INO80: variants seen among roughly 807,000 people sequenced by gnomAD.
INO80 encodes the protein chromatin-remodeling ATPase INO80.
In INO80, 20 loss-of-function variants were observed where a neutral mutation model predicts 203.4. That is an observed-to-expected ratio of 0.10 (90% CI 0.07 to 0.14). The LOEUF (loss-of-function observed/expected upper bound fraction) is 0.14, where lower values mean the gene tolerates loss of function less well. INO80 is among the 10% of genes least tolerant of loss of function. INO80 has a pLI of 1.00. For missense variants in INO80, 1,419 were observed against 1,914.4 expected (o/e 0.74, Z 4.83); for synonymous variants, 726 against 685.2 (o/e 1.06, Z -0.93).
At chr15:40,992,858 TCA>T (rs2043833873) in intron 29 of INO80, among the ~76,000 whole-genome samples, 1 of 152,214 alleles carries the variant, frequency 6.6e-6, no homozygotes, top group Admixed American at 6.5e-5. Context: ...AGCGGCACAA[TCA>T]CAGCTCACTG....
intron 7 of INO80, among the ~76,000 whole-genome samples, chr15:41,082,701 T>C (rs1037264609): frequency 6.6e-6 from 1 of 151,480 alleles, no homozygotes; most frequent in African/African-American, 2.4e-5. Context: ...CGAAACTCCG[T>C]CTCAAAAAAC....
chr15:41,044,997 C>G lies in INO80; in HGVS notation c.2814G>C (p.Glu938Asp). The change falls in exon 24 of 36, where the codon GAG (glutamate) becomes GAC (aspartate). Residue 938 changes from glutamate to aspartate, a missense_variant. Physicochemically the swap from Glu to Asp is conservative, Grantham distance 45. This residue lies in a region of INO80 where 302 missense variants were observed against 345.4 expected (regional missense o/e 0.87). Transcript: ENST00000648947. ...TGTTCCTCAGGTATCTCTGGTGGCTCTCCCCTTCTGGCGCTCCCCAGGAGC... is the reference window on the plus strand; with the variant it reads ...TGTTCCTCAGGTATCTCTGGTGGCTGTCCCCTTCTGGCGCTCCCCAGGAGC... ...QLRSWGAPEG[E>D]SHQRYLRNKD... The G allele has an allele frequency of 6.2e-7, 1 of 1,614,018 alleles. No individual in the cohort carries two copies. Among genetic ancestry groups the G allele is most frequent in the Non-Finnish European group, 8.5e-7 (1 of 1,179,960 alleles).
At chr15:41,083,844 G>A (rs1478317253) in intron 7 of INO80, among the ~76,000 whole-genome samples, 1 of 151,986 alleles carries the variant, frequency 6.6e-6, no homozygotes. Context: ...AGTTGTCTCG[G>A]CACTACTAAT....
intron 1 of INO80, among the ~76,000 whole-genome samples, chr15:41,098,700 A>G (rs2045760851): frequency 6.6e-6 from 1 of 152,116 alleles, no homozygotes; most frequent in African/African-American, 2.4e-5. Context: ...AGACTAGAAG[A>G]TACTTGCAAA....
chr15:41,075,458 C>T lies in INO80; in HGVS notation c.1132-893G>A, dbSNP rs1215280048. Among the ~76,000 whole-genome samples, 10 of 150,704 alleles carry T rather than the reference C, an allele frequency of 6.6e-5. No homozygotes were observed. In the South Asian group the frequency reaches 1.7e-3, roughly 25 times the overall value. ...GGCTAATTTTTCTATTTTTTTTTGG[C>T]GGCGGGGGAGGCGGGGGGCAGAGTC... On this transcript the variant is annotated intron_variant, in intron 9 of 35. Transcript: ENST00000648947.
At chr15:41,012,560 T>TCAAAAAAA (rs1203728859) in intron 27 of INO80, among the ~76,000 whole-genome samples, 1 of 5,182 alleles carries the variant, frequency 1.9e-4, no homozygotes, top group Admixed American at 3.3e-3. Flanking sequence ...GAGACTCTTT[T>TCAAAAAAA]TAAAAAAAAA....
At chr15:41,063,267 G>A (rs758063720) in intron 14 of INO80, among the ~76,000 whole-genome samples, 1 of 152,062 alleles carries the variant, frequency 6.6e-6, no homozygotes, top group African/African-American at 2.4e-5. Context: ...AACCTGGGAG[G>A]CAGAGGTTGC....
chr15:41,087,066 T>C (rs1334932367), intron 6 of INO80, among the ~76,000 whole-genome samples: 1 of 152,018 alleles, frequency 6.6e-6, no homozygotes, highest in South Asian at 2.1e-4. Flanking sequence ...AGGTTAATAA[T>C]ATAGTCTACC....
chr15:41,081,164 G>T, intron 7 of INO80, 91 bp from the exon 8 acceptor site: 1 of 820,376 alleles, frequency 1.2e-6, no homozygotes, highest in Non-Finnish European at 2.0e-6. Flanking sequence ...ATTCCTAGAG[G>T]GTTAGAAAAT....
chr15:40,997,522 T>A lies in INO80; in HGVS notation c.3570+7A>T. On this transcript the variant is annotated splice_region_variant and intron_variant, in intron 29 of 35. Transcript: ENST00000648947. Reference sequence around the variant, plus strand: ...CATATCTAGTTGATTGTGCTCTCATTACTTACTGTGTCTGCAGCAGTGAGA... The same window carrying A: ...CATATCTAGTTGATTGTGCTCTCATAACTTACTGTGTCTGCAGCAGTGAGA... 6.3e-7 allele frequency: 1 copy of A among 1,591,006 alleles called. No individual in the cohort carries two copies. Among genetic ancestry groups the A allele is most frequent in the Non-Finnish European group, 8.6e-7 (1 of 1,158,926 alleles).
rs185842043 is a variant in INO80, at chr15:41,112,328, T to C, written c.-44+3645A>G. Among the ~76,000 whole-genome samples the C allele has an allele frequency of 2.7e-3, 408 of 152,272 alleles. 3 individuals carry two copies. Among genetic ancestry groups the C allele is most frequent in the South Asian group, 0.013 (61 of 4,828 alleles). On this transcript the variant is annotated intron_variant, in intron 1 of 35. Transcript: ENST00000648947. ...AATTTTCTCATCTGTAAAATGAGAATTACTACCAAGAAGTTTCAAGAAAAT... is the reference window on the plus strand; with the variant it reads ...AATTTTCTCATCTGTAAAATGAGAACTACTACCAAGAAGTTTCAAGAAAAT...
chr15:41,030,502 T>C (rs2044442349), intron 24 of INO80, among the ~76,000 whole-genome samples: 1 of 152,026 alleles, frequency 6.6e-6, no homozygotes, highest in South Asian at 2.1e-4. Context: ...TAGGTGGGCC[T>C]ACAGGTGCGC....
chr15:41,111,697 G>A (rs999223505), intron 1 of INO80, among the ~76,000 whole-genome samples: 2 of 151,894 alleles, frequency 1.3e-5, no homozygotes, highest in Non-Finnish European at 1.5e-5. Context: ...TAGCTACTCG[G>A]GAGGCTGAGG....
chr15:40,983,782 G>A lies in INO80; in HGVS notation c.4217C>T (p.Ser1406Phe), dbSNP rs949453995. The A allele has an allele frequency of 5.0e-6, 8 of 1,612,438 alleles. No individual in the cohort carries two copies. Among genetic ancestry groups the A allele is most frequent in the Non-Finnish European group, 6.8e-6 (8 of 1,180,020 alleles). Residue 1406 changes from serine to phenylalanine, a missense_variant, in exon 34 of 36, where the codon TCC (serine) becomes TTC (phenylalanine). Ser to Phe is a radical substitution (Grantham distance 155). Coordinates refer to ENST00000648947, the MANE Select transcript of INO80 (RefSeq NM_017553.3). ...ATNSPASITGSVSDTVNGISI... is the reference protein window; with the variant it reads ...ATNSPASITGFVSDTVNGISI... Reference sequence around the variant, plus strand: ...ATTACCATTCACGGTATCTGAGACGGAGCCTGTTATGGATGCGGGAGAGTT... The same window carrying A: ...ATTACCATTCACGGTATCTGAGACGAAGCCTGTTATGGATGCGGGAGAGTT...
chr15:40,990,342 T>A (rs879410074), intron 29 of INO80, among the ~76,000 whole-genome samples: 53 of 152,216 alleles, frequency 3.5e-4, no homozygotes, highest in Non-Finnish European at 6.5e-4. Flanking sequence ...GTGAGTCATC[T>A]TTCTTGAAAC....
chr15:41,023,347 C>G (rs1044861849), intron 25 of INO80: 5 of 455,152 alleles, frequency 1.1e-5, no homozygotes, highest in African/African-American at 8.0e-5. Context: ...TGTCGCAGAC[C>G]TGCAAAATTA....
intron 29 of INO80, among the ~76,000 whole-genome samples, chr15:40,989,036 A>C (rs1320978430): frequency 1.4e-5 from 2 of 147,832 alleles, no homozygotes; most frequent in Non-Finnish European, 3.0e-5. Flanking sequence ...AAAATTAGCC[A>C]GGTGTGGTGG....
intron 31 of INO80, among the ~76,000 whole-genome samples, chr15:40,985,709 A>T (rs1354634858): frequency 6.6e-6 from 1 of 152,110 alleles, no homozygotes; most frequent in Non-Finnish European, 1.5e-5. Context: ...CAGGAGCTTG[A>T]GACCAGCCGG....
At chr15:41,112,921 T>C (rs1596336057) in intron 1 of INO80, among the ~76,000 whole-genome samples, 1 of 152,012 alleles carries the variant, frequency 6.6e-6, no homozygotes, top group African/African-American at 2.4e-5. Flanking sequence ...GTGTATTTTG[T>C]TGTTGTTGTT....
Sources: gnomAD v4.1 joint callset for allele counts (sites outside exome capture counted in the v4.1 genomes callset) on GRCh38, gnomAD v4.1.1 for gene constraint, gnomAD v4.1.1 regional missense constraint, MANE v1.5 for transcripts, NCBI Gene and HGNC (gene_info 2026-07-23, HGNC 2026-07-21) for gene names.